SIAE: variants seen among roughly 807,000 people sequenced by gnomAD.
SIAE encodes the protein sialate O-acetylesterase.
Under a neutral mutation model 52.6 loss-of-function variants are expected in SIAE, and 39 were observed. That is an observed-to-expected ratio of 0.74 (90% CI 0.57 to 0.97). The LOEUF is 0.97. Among genes scored for constraint, SIAE ranks in the 50% least tolerant of loss-of-function variants. The pLI is 0.00. For missense variants in SIAE, 592 were observed against 662.1 expected, an observed-to-expected ratio of 0.89 and a Z score of 1.16; for synonymous variants, 233 against 241.4, an observed-to-expected ratio of 0.97 and a Z score of 0.32.
intron 4 of SIAE, among the ~76,000 whole-genome samples, chr11:124,652,691 CAA>C (rs57632780): frequency 0.13 from 9,411 of 72,758 alleles, 1,060 homozygotes; most frequent in African/African-American, 0.32. Context: ...GAGACTCGGT[CAA>C]AAAAAAAAAA....
At chr11:124,671,054 T>C (rs1943346473) in intron 1 of SIAE, among the ~76,000 whole-genome samples, 1 of 152,190 alleles carries the variant, frequency 6.6e-6, no homozygotes, top group South Asian at 2.1e-4. Context: ...TGCACATTTG[T>C]GTGCAGTCAG....
chr11:124,669,913 C>T (rs1443301004), intron 1 of SIAE, among the ~76,000 whole-genome samples: 1 of 152,028 alleles, frequency 6.6e-6, no homozygotes, highest in Non-Finnish European at 1.5e-5. Context: ...GAAAAATAAA[C>T]CACTTCCTTT....
chr11:124,664,861 G>A (rs1427313353), intron 2 of SIAE, among the ~76,000 whole-genome samples: 2 of 151,292 alleles, frequency 1.3e-5, no homozygotes, highest in East Asian at 3.9e-4. Context: ...AATGAAAAAA[G>A]CGCCCCTGTT....
chr11:124,674,880 G>A (rs1591401028), upstream of SIAE: 2 of 152,396 alleles, frequency 1.3e-5, no homozygotes, highest in Admixed American at 1.3e-4. Flanking sequence ...CTCAGCAATT[G>A]ACAATGAATT....
In SIAE at chr11:124,649,704, G is replaced by A; in HGVS notation, c.637C>T (p.Leu213=). 6.2e-7 allele frequency: 1 copy of A among 1,614,186 alleles called. No homozygotes were observed. The highest frequency in any genetic ancestry group is 2.2e-5 in the East Asian group (1 of 44,882). ...LYDTLQYPIG[L]IASSWGGTPI... ...GTCCCGCCCCAGCTGGAGGCGATCAGCCCGATGGGATACTGCAGAGTGTCA... is the reference window on the plus strand; with the variant it reads ...GTCCCGCCCCAGCTGGAGGCGATCAACCCGATGGGATACTGCAGAGTGTCA... The change falls in exon 5 of 10, where the codon CTG becomes TTG. Residue 213 remains leucine (L), a synonymous_variant. Coordinates refer to ENST00000263593, the MANE Select transcript of SIAE (RefSeq NM_170601.5).
intron 7 of SIAE, among the ~76,000 whole-genome samples, chr11:124,642,255 C>T (rs1211585271): frequency 6.6e-6 from 1 of 152,140 alleles, no homozygotes; most frequent in African/African-American, 2.4e-5. Context: ...AATATTGTTC[C>T]AGAAAGAGCC....
intron 3 of SIAE, among the ~76,000 whole-genome samples, chr11:124,655,610 C>CTACTGAAACATAGTTGAAG (rs1263276809): frequency 6.6e-6 from 1 of 152,142 alleles, no homozygotes; most frequent in Non-Finnish European, 1.5e-5. Context: ...GACTGTTGAA[C>CTACTGAAACATAGTTGAAG]TACTGAAACA....
chr11:124,671,772 G>A (rs1943360863), intron 1 of SIAE, among the ~76,000 whole-genome samples: 1 of 151,882 alleles, frequency 6.6e-6, no homozygotes, highest in South Asian at 2.1e-4. Context: ...TTGTTTGTTT[G>A]TTTTTTTGAG....
chr11:124,654,556 A>ATTATT, intron 4 of SIAE, 99 bp downstream of exon 4: 2 of 1,609,082 alleles, frequency 1.2e-6, no homozygotes, highest in African/African-American at 2.7e-5. Flanking sequence ...GGCATGAGTA[A>ATTATT]TAATAAATAG....
At chr11:124,646,263 T>G (rs1360593033) in intron 7 of SIAE, among the ~76,000 whole-genome samples, 1 of 152,226 alleles carries the variant, frequency 6.6e-6, no homozygotes, top group African/African-American at 2.4e-5. Flanking sequence ...TGCTATCTTT[T>G]TTCATTCACA....
intron 4 of SIAE, among the ~76,000 whole-genome samples, chr11:124,653,598 A>G (rs1246323268): frequency 6.6e-6 from 1 of 152,200 alleles, no homozygotes; most frequent in Non-Finnish European, 1.5e-5. Flanking sequence ...CAAGGTGAAC[A>G]AATTGTTGAG....
In SIAE at chr11:124,647,464, G is replaced by A. The variant is rs906403461; in HGVS notation, c.867C>T (p.Tyr289=). The change falls in exon 7 of 10, where the codon TAC becomes TAT. Residue 289 remains tyrosine, a synonymous_variant. Transcript: ENST00000263593. ...ESNINYNTDL[Y]NCTFPALIED... The stretch of plus-strand genomic sequence containing the variant: ...CGATGAGTGCAGGGAATGTGCAATT[G>A]TACAGATCCGTGTTATAATTTATAT... 6.2e-7 allele frequency: 1 copy of A among 1,614,054 alleles called. No individual in the cohort carries two copies.
At chr11:124,638,974 A>C (rs1942799275) in intron 8 of SIAE, among the ~76,000 whole-genome samples, 1 of 152,146 alleles carries the variant, frequency 6.6e-6, no homozygotes, top group African/African-American at 2.4e-5. Flanking sequence ...GGAAGGAATA[A>C]AGGGCAGGTT....
At chr11:124,638,449 A>G (rs2187155) in intron 9 of SIAE, 93 bp downstream of exon 9, 150,500 of 1,378,718 alleles carry the variant, frequency 0.11, 12,222 homozygotes, top group African/African-American at 0.42. Context: ...AAGACCCGCC[A>G]CATCGTAATA....
Position 124,647,346 on chromosome 11 carries a change from GC to G in SIAE, c.966+18del. On this transcript the variant is annotated intron_variant, in intron 7 of 9. Transcript: ENST00000263593. ...AACAGGTGTTGACATGAACAGAGAA[GC>G]CTTTACCCACATCGTACCTGGACAA... is the stretch of plus-strand genomic sequence containing the variant. The G allele has an allele frequency of 6.2e-7, 1 of 1,614,172 alleles. No homozygotes were observed. The highest frequency in any genetic ancestry group is 1.7e-5 in the Admixed American group (1 of 60,030).
chr11:124,673,426 A>G (rs969376784), intron 1 of SIAE, among the ~76,000 whole-genome samples: 1 of 152,128 alleles, frequency 6.6e-6, no homozygotes, highest in Non-Finnish European at 1.5e-5. Flanking sequence ...CATGTCAGGG[A>G]TGGTAAGTGG....
upstream of SIAE, chr11:124,675,758 A>G (rs1479806857): frequency 1.1e-5 from 2 of 183,416 alleles, no homozygotes; most frequent in African/African-American, 4.8e-5. Context: ...ACGTTCCAGC[A>G]TACTGTTCCT....
chr11:124,659,164 G>C (rs1943145438), intron 3 of SIAE: 1 of 152,178 alleles, frequency 6.6e-6, no homozygotes, highest in Non-Finnish European at 1.5e-5. Context: ...AATTTAGCTT[G>C]ACAGAAAATG....
chr11:124,673,574 G>C (rs1312303213), intron 1 of SIAE, 68 bp downstream of exon 1: 8 of 1,532,044 alleles, frequency 5.2e-6, no homozygotes, highest in Non-Finnish European at 6.3e-6. Flanking sequence ...GTGTCCCGCA[G>C]AGGACACGGG....
Sources: gnomAD v4.1 joint callset for allele counts (sites outside exome capture counted in the v4.1 genomes callset) on GRCh38, gnomAD v4.1.1 for gene constraint, MANE v1.5 for transcripts, NCBI Gene and HGNC (gene_info 2026-07-23, HGNC 2026-07-21) for gene names.